SNTB1: variants seen among roughly 807,000 people sequenced by gnomAD.
SNTB1 encodes the protein syntrophin beta 1.
SNTB1 carries 36 observed loss-of-function variants against 48.9 expected under a neutral mutation model. That is an observed-to-expected ratio of 0.74 (90% CI 0.56 to 0.97). SNTB1 has a LOEUF of 0.97. Ranked by LOEUF, SNTB1 falls within the 50% of genes least tolerant of loss-of-function variation. The pLI is 0.00. For missense variants in SNTB1, 786 were observed against 703.4 expected (o/e 1.12, Z -1.33); for synonymous variants, 299 against 294.6 (o/e 1.01, Z -0.15).
At chr8:120,801,042 G>T (rs1300840429) in intron 1 of SNTB1, among the ~76,000 whole-genome samples, 1 of 151,850 alleles carries the variant, frequency 6.6e-6, no homozygotes, top group African/African-American at 2.4e-5. Context: ...AATATCCTTG[G>T]CAGAAGAGGG....
chr8:120,570,177 T>A (rs557010397), intron 4 of SNTB1: 76 of 152,350 alleles, frequency 5.0e-4, no homozygotes, highest in Middle Eastern at 3.4e-3. Flanking sequence ...GAGGGGAGAC[T>A]CCTGGGGAGC....
At chr8:120,629,269 T>C (rs1377509747) in intron 3 of SNTB1, among the ~76,000 whole-genome samples, 1 of 152,200 alleles carries the variant, frequency 6.6e-6, no homozygotes, top group East Asian at 1.9e-4. Context: ...TTTCCTCCTG[T>C]GTAGTGTTGA....
chr8:120,736,723 C>T (rs1054098763), intron 1 of SNTB1, among the ~76,000 whole-genome samples: 2 of 152,224 alleles, frequency 1.3e-5, no homozygotes, highest in African/African-American at 4.8e-5. Context: ...TGTGGCAGAA[C>T]TCAAACACTG....
intron 3 of SNTB1, among the ~76,000 whole-genome samples, chr8:120,615,752 C>G (rs1279327033): frequency 6.6e-6 from 1 of 152,140 alleles, no homozygotes; most frequent in South Asian, 2.1e-4. Context: ...CAGTTTGAAT[C>G]GAACGGAGGT....
chr8:120,646,702 C>G (rs1009994203), intron 2 of SNTB1, among the ~76,000 whole-genome samples: 9 of 151,890 alleles, frequency 5.9e-5, no homozygotes, highest in Non-Finnish European at 1.2e-4. Context: ...GGAGGATTCC[C>G]TCTTTTTCTA....
Position 120,797,642 on chromosome 8 carries a change from A to C in SNTB1, c.571+13631T>G, listed in dbSNP as rs562689953. Among the ~76,000 whole-genome samples the C allele has an allele frequency of 8.9e-5, 12 of 134,766 alleles. No homozygotes were observed. In the South Asian group the frequency reaches 2.0e-3, roughly 23 times the overall value. The allele number at this position is 134,766 out of a possible 152,430, so 88.4% of individuals were successfully genotyped here. A position where few individuals can be genotyped will look rare whatever the true frequency, so the allele number is the denominator to read the frequency against. On this transcript the variant is annotated intron_variant, in intron 1 of 6. Transcript: ENST00000517992. ...AGAATGGGTTAATTTTGCTCAGTTC[A>C]CTGAAGTTTTAAGATGGATAAGACC...
At chr8:120,597,451 C>T (rs112273695) in intron 3 of SNTB1, among the ~76,000 whole-genome samples, 2,840 of 152,310 alleles carry the variant, frequency 0.019, 98 homozygotes, top group African/African-American at 0.065. Context: ...TTTATAAGCA[C>T]GTGTGATTTG....
At chr8:120,734,179 C>T (rs538227264) in intron 1 of SNTB1, among the ~76,000 whole-genome samples, 4 of 152,290 alleles carry the variant, frequency 2.6e-5, no homozygotes, top group South Asian at 2.1e-4. Context: ...CGCGATGGTT[C>T]ATGCCTGTAA....
chr8:120,782,084 G>C (rs1411055541), intron 1 of SNTB1, among the ~76,000 whole-genome samples: 1 of 152,126 alleles, frequency 6.6e-6, no homozygotes, highest in African/African-American at 2.4e-5. Context: ...AACTGTCCTG[G>C]GCCTCTCTCC....
chr8:120,793,794 A>C (rs1185604336), intron 1 of SNTB1, among the ~76,000 whole-genome samples: 1 of 152,064 alleles, frequency 6.6e-6, no homozygotes, highest in African/African-American at 2.4e-5. Context: ...TTAACAATTA[A>C]AGAATTAATC....
chr8:120,703,271 C>A (rs989629048), intron 1 of SNTB1, among the ~76,000 whole-genome samples: 1 of 152,156 alleles, frequency 6.6e-6, no homozygotes, highest in Non-Finnish European at 1.5e-5. Flanking sequence ...ATTATAGGTG[C>A]GCAGCACCAC....
chr8:120,755,438 C>T (rs1563591466), intron 1 of SNTB1, among the ~76,000 whole-genome samples: 1 of 151,904 alleles, frequency 6.6e-6, no homozygotes. Context: ...GAGAGCCAAA[C>T]TATATTGGGC....
intron 1 of SNTB1, chr8:120,761,180 A>G (rs1819413127): frequency 6.6e-6 from 1 of 152,222 alleles, no homozygotes; most frequent in South Asian, 2.1e-4. Context: ...GGATTCCCGT[A>G]TAACAGAGGA....
chr8:120,545,269 G>A (rs1215635740), intron 5 of SNTB1, among the ~76,000 whole-genome samples: 1 of 152,100 alleles, frequency 6.6e-6, no homozygotes, highest in Non-Finnish European at 1.5e-5. Flanking sequence ...CCTTGAACCT[G>A]GGAGGCGGAG....
intron 2 of SNTB1, among the ~76,000 whole-genome samples, chr8:120,666,533 C>G (rs959303939): frequency 1.3e-5 from 2 of 151,940 alleles, no homozygotes; most frequent in Admixed American, 6.6e-5. Context: ...CTTTTTAATA[C>G]TGGTGTTGAG....
intron 2 of SNTB1, among the ~76,000 whole-genome samples, chr8:120,689,750 A>G (rs76675386): frequency 6.6e-6 from 1 of 152,158 alleles, no homozygotes; most frequent in Non-Finnish European, 1.5e-5. Context: ...AAAACCCATG[A>G]AAAAAAGGCT....
intron 1 of SNTB1, among the ~76,000 whole-genome samples, chr8:120,804,392 G>A (rs1820290215): frequency 6.6e-6 from 1 of 152,050 alleles, no homozygotes; most frequent in Admixed American, 6.6e-5. Flanking sequence ...TTCATAATCA[G>A]CCTCAAATAC....
At chr8:120,600,506 A>G (rs148684459) in intron 3 of SNTB1, among the ~76,000 whole-genome samples, 1 of 152,322 alleles carries the variant, frequency 6.6e-6, no homozygotes, top group African/African-American at 2.4e-5. Context: ...CAGTCAGCCC[A>G]CAGAATTGTG....
intron 1 of SNTB1, among the ~76,000 whole-genome samples, chr8:120,756,811 T>C (rs543689713): frequency 6.6e-6 from 1 of 152,140 alleles, no homozygotes; most frequent in Non-Finnish European, 1.5e-5. Flanking sequence ...AAGCCACTGC[T>C]ACATTCCCAG....
Sources: gnomAD v4.1 joint callset for allele counts (sites outside exome capture counted in the v4.1 genomes callset) on GRCh38, gnomAD v4.1.1 for gene constraint, MANE v1.5 for transcripts, NCBI Gene and HGNC (gene_info 2026-07-23, HGNC 2026-07-21) for gene names.